The following WWOX variants were observed in gnomAD, a reference collection of about 807,000 sequenced individuals.
WWOX encodes WW domain-containing oxidoreductase.
WWOX carries 69 observed loss-of-function variants against 46.2 expected under a neutral mutation model. The ratio of observed to expected loss-of-function variants is 1.49; its 90% confidence interval spans 1.23 to 1.82. WWOX has a LOEUF of 1.82. WWOX is among the 40% of genes most tolerant of loss of function. The pLI, the probability that WWOX is intolerant of heterozygous loss-of-function variation, is 0.00. For missense variants in WWOX, 919 were observed against 542.6 expected, an observed-to-expected ratio of 1.69 and a Z score of -6.89; for synonymous variants, 359 against 202.6, an observed-to-expected ratio of 1.77 and a Z score of -6.56.
intron 8 of WWOX, among the ~76,000 whole-genome samples, chr16:79,158,319 G>T (rs543083497): frequency 7.2e-5 from 11 of 152,318 alleles, no homozygotes; most frequent in Admixed American, 6.5e-4. Context: ...CTAGCAAATA[G>T]AGTTTTCAGG....
intron 8 of WWOX, among the ~76,000 whole-genome samples, chr16:79,148,723 CTATT>C (rs2050224220): frequency 6.6e-6 from 1 of 152,024 alleles, no homozygotes; most frequent in African/African-American, 2.4e-5. Flanking sequence ...GTATGTAATT[CTATT>C]TATTTAGTAT....
rs2052116924 is a variant in WWOX, at chr16:78,840,708, T to C, written c.1057-370900T>C. 2.6e-5 allele frequency among the ~76,000 whole-genome samples: 4 copies of C among 152,022 alleles called. No individual in the cohort carries two copies. In the South Asian group the frequency reaches 8.3e-4, roughly 32 times the overall value. ...GGGCCCGAGCTTCTTTGTTTCCTTT[T>C]CTTATTTAATTTTTGTGGGTACCTA... On this transcript the variant is annotated intron_variant, in intron 8 of 8. Transcript: ENST00000566780.
chr16:78,315,676 T>C lies in WWOX; in HGVS notation c.517-71184T>C, dbSNP rs1350203036. Among the ~76,000 whole-genome samples, 3 of 152,186 alleles carry C rather than the reference T, an allele frequency of 2.0e-5. No homozygotes were observed. The East Asian group carries it at 5.8e-4, about 29-fold the overall frequency. On this transcript the variant is annotated intron_variant, in intron 5 of 8. Coordinates refer to ENST00000566780, the MANE Select transcript of WWOX (RefSeq NM_016373.4). ...AAAGAATAAAAATGAATAAAAATTATGTGATTAGAGAGGGGAAAACAATCA... is the reference window on the plus strand; with the variant it reads ...AAAGAATAAAAATGAATAAAAATTACGTGATTAGAGAGGGGAAAACAATCA...
At chr16:78,830,768 A>C (rs1386973196) in intron 8 of WWOX, among the ~76,000 whole-genome samples, 1 of 151,792 alleles carries the variant, frequency 6.6e-6, no homozygotes, top group South Asian at 2.1e-4. Context: ...ACATCTGAGC[A>C]GCTCAGGGCC....
chr16:78,530,503 C>T (rs569217732), intron 8 of WWOX, among the ~76,000 whole-genome samples: 7 of 152,228 alleles, frequency 4.6e-5, no homozygotes, highest in African/African-American at 7.2e-5. Context: ...TTCTCTCCAA[C>T]TGTGGTCTCT....
chr16:78,200,018 A>G (rs1476299521), intron 5 of WWOX, among the ~76,000 whole-genome samples: 1 of 152,230 alleles, frequency 6.6e-6, no homozygotes, highest in African/African-American at 2.4e-5. Flanking sequence ...CTGGTAGTCA[A>G]TGTGCAACCT....
intron 8 of WWOX, among the ~76,000 whole-genome samples, chr16:78,753,825 A>AAAAAAAAATATAT (rs2049556906): frequency 4.7e-5 from 1 of 21,354 alleles, no homozygotes; most frequent in African/African-American, 9.8e-5. Flanking sequence ...AAAAAAAAAA[A>AAAAAAAAATATAT]ATATATATAT....
chr16:78,868,517 G>T (rs1266655246), intron 8 of WWOX, among the ~76,000 whole-genome samples: 1 of 152,004 alleles, frequency 6.6e-6, no homozygotes, highest in East Asian at 1.9e-4. Context: ...TAAATCATAT[G>T]GTATGTGAAT....
intron 8 of WWOX, among the ~76,000 whole-genome samples, chr16:78,624,758 T>A (rs529237677): frequency 1.1e-4 from 17 of 152,300 alleles, no homozygotes; most frequent in African/African-American, 3.4e-4. Context: ...GGCTGGAAAT[T>A]ATTTATTGCA....
intron 8 of WWOX, among the ~76,000 whole-genome samples, chr16:79,054,348 A>G (rs1340278579): frequency 1.3e-5 from 2 of 152,152 alleles, no homozygotes; most frequent in East Asian, 3.9e-4. Flanking sequence ...CTTACTTGAT[A>G]TTTCAGGAAT....
intron 8 of WWOX, among the ~76,000 whole-genome samples, chr16:78,969,922 T>A (rs2046438064): frequency 6.6e-6 from 1 of 152,188 alleles, no homozygotes; most frequent in Non-Finnish European, 1.5e-5. Context: ...TGTTGTAAAG[T>A]TGATTGTGGA....
At chr16:78,354,068 T>G (rs1398116629) in intron 5 of WWOX, among the ~76,000 whole-genome samples, 1 of 152,238 alleles carries the variant, frequency 6.6e-6, no homozygotes, top group Non-Finnish European at 1.5e-5. Flanking sequence ...TGTTTGCACC[T>G]TTTAATTCCT....
chr16:78,829,447 A>G (rs1407948606), intron 8 of WWOX, among the ~76,000 whole-genome samples: 1 of 152,216 alleles, frequency 6.6e-6, no homozygotes, highest in African/African-American at 2.4e-5. Context: ...CAGTCTACTG[A>G]TTCAAAGGTT....
intron 8 of WWOX, among the ~76,000 whole-genome samples, chr16:79,154,515 AAAAAAG>A (rs1003441085): frequency 6.6e-6 from 1 of 151,970 alleles, no homozygotes; most frequent in African/African-American, 2.4e-5. Flanking sequence ...AAAAAAAAAA[AAAAAAG>A]AGGTGAATTT....
intron 5 of WWOX, among the ~76,000 whole-genome samples, chr16:78,348,455 G>A (rs534384526): frequency 4.1e-5 from 5 of 120,706 alleles, no homozygotes; most frequent in South Asian, 2.5e-4. Context: ...ATACTGATGC[G>A]GTGTTTATTT....
At chr16:79,103,258 A>T (rs532514498) in intron 8 of WWOX, among the ~76,000 whole-genome samples, 1 of 152,156 alleles carries the variant, frequency 6.6e-6, no homozygotes, top group African/African-American at 2.4e-5. Flanking sequence ...AGGTTTTCTG[A>T]AGAGGCATCT....
chr16:78,682,616 C>G (rs140892186), intron 8 of WWOX, among the ~76,000 whole-genome samples: 3 of 152,152 alleles, frequency 2.0e-5, no homozygotes, highest in African/African-American at 7.2e-5. Context: ...TGGTGGTTCA[C>G]CCCTGTAATC....
intron 8 of WWOX, among the ~76,000 whole-genome samples, chr16:79,003,930 C>T (rs79478872): frequency 0.012 from 1,856 of 152,260 alleles, 36 homozygotes; most frequent in African/African-American, 0.043. Context: ...GATTTTATCA[C>T]TGTCCTGGGG....
chr16:79,061,369 C>G (rs73570878), intron 8 of WWOX, among the ~76,000 whole-genome samples: 4,722 of 152,206 alleles, frequency 0.031, 237 homozygotes, highest in African/African-American at 0.1. Flanking sequence ...GCTTGGCAAA[C>G]CAAGAAGAAT....
Sources: gnomAD v4.1 joint callset for allele counts (sites outside exome capture counted in the v4.1 genomes callset) on GRCh38, gnomAD v4.1.1 for gene constraint, MANE v1.5 for transcripts, NCBI Gene and HGNC (gene_info 2026-07-23, HGNC 2026-07-21) for gene names.